The following TAS2R1 variants were observed in gnomAD, a reference collection of about 807,000 sequenced individuals.
The protein encoded by TAS2R1 is taste receptor type 2 member 1.
For synonymous variants in TAS2R1, 141 were observed against 134.2 expected (o/e 1.05, Z -0.35); for missense variants, 370 against 353.4 (o/e 1.05, Z -0.38).
At chr5:9,841,814 A>T in the TAS2R1 span, among the ~76,000 whole-genome samples, 2 of 152,206 alleles carry the variant, frequency 1.3e-5, no homozygotes, top group African/African-American at 4.8e-5. Flanking sequence ...GTTTGCTATA[A>T]AAGCATGGGA....
chr5:9,680,864 C>T (rs568882125), intron 1 of TAS2R1, among the ~76,000 whole-genome samples: 1 of 151,960 alleles, frequency 6.6e-6, no homozygotes, highest in East Asian at 1.9e-4. Flanking sequence ...ACCATCCTGG[C>T]CAACATGGAA....
chr5:9,685,268 G>A (rs1435712188), intron 1 of TAS2R1, among the ~76,000 whole-genome samples: 1 of 152,062 alleles, frequency 6.6e-6, no homozygotes, highest in Non-Finnish European at 1.5e-5. Context: ...GAGACTTTAA[G>A]AAAAATATGA....
upstream of TAS2R1, chr5:9,630,417 TG>T (rs1490357514): frequency 5.8e-6 from 1 of 173,844 alleles, no homozygotes; most frequent in African/African-American, 2.4e-5. Context: ...TAATTGATTT[TG>T]CCTACAGGTG....
intron 1 of TAS2R1, among the ~76,000 whole-genome samples, chr5:9,709,518 G>A (rs1741689999): frequency 6.6e-6 from 1 of 152,136 alleles, no homozygotes; most frequent in Admixed American, 6.5e-5. Context: ...CCACTGGTTG[G>A]GTGTGGCCAA....
the TAS2R1 span, among the ~76,000 whole-genome samples, chr5:9,851,614 T>C: frequency 1.3e-5 from 2 of 152,080 alleles, no homozygotes; most frequent in Non-Finnish European, 2.9e-5. Flanking sequence ...GTTGGTCATC[T>C]GCAGAATATG....
At chr5:9,631,837 G>C (rs1442504301), upstream of TAS2R1, among the ~76,000 whole-genome samples, 2 of 152,082 alleles carry the variant, frequency 1.3e-5, no homozygotes, top group Non-Finnish European at 2.9e-5. Context: ...GACCATCTAT[G>C]CCATCTTGGA....
At chr5:9,902,962 GAGTATGT>G in the TAS2R1 span, among the ~76,000 whole-genome samples, 9 of 152,084 alleles carry the variant, frequency 5.9e-5, no homozygotes, top group South Asian at 1.9e-3. Context: ...AAAAATGTGT[GAGTATGT>G]AGTAAGTGTA....
the TAS2R1 span, among the ~76,000 whole-genome samples, chr5:9,835,540 G>T: frequency 6.6e-6 from 1 of 152,198 alleles, no homozygotes; most frequent in Admixed American, 6.5e-5. Flanking sequence ...AGCCAATTCT[G>T]AAAGAAAAGA....
the TAS2R1 span, among the ~76,000 whole-genome samples, chr5:9,863,672 C>G: frequency 6.6e-6 from 1 of 152,182 alleles, no homozygotes; most frequent in Admixed American, 6.5e-5. Flanking sequence ...TCTCAGTGCT[C>G]AGGGCTTTAT....
At chr5:9,631,062 C>T (rs2126474308), upstream of TAS2R1, among the ~76,000 whole-genome samples, 1 of 152,216 alleles carries the variant, frequency 6.6e-6, no homozygotes, top group East Asian at 1.9e-4. Flanking sequence ...CTGTCCTCTA[C>T]CCACCAGATA....
the TAS2R1 span, among the ~76,000 whole-genome samples, chr5:9,773,953 T>C: frequency 6.6e-6 from 1 of 152,220 alleles, no homozygotes; most frequent in East Asian, 1.9e-4. Flanking sequence ...AATGTTGATA[T>C]ATTTCTGTAC....
chr5:9,896,150 T>C, the TAS2R1 span, among the ~76,000 whole-genome samples: 1 of 152,208 alleles, frequency 6.6e-6, no homozygotes, highest in Non-Finnish European at 1.5e-5. Flanking sequence ...CCAGGCAACT[T>C]GGGTCTAGCC....
intron 1 of TAS2R1, among the ~76,000 whole-genome samples, chr5:9,667,095 C>A (rs1740650562): frequency 6.6e-6 from 1 of 152,060 alleles, no homozygotes; most frequent in African/African-American, 2.4e-5. Flanking sequence ...TTTTTTTCTA[C>A]AAATTTTAAT....
At chr5:9,806,231 C>T in the TAS2R1 span, among the ~76,000 whole-genome samples, 1 of 152,076 alleles carries the variant, frequency 6.6e-6, no homozygotes, top group African/African-American at 2.4e-5. Context: ...AACTACAAAA[C>T]ACTGCTGAAA....
chr5:9,732,418 G>A, the TAS2R1 span, among the ~76,000 whole-genome samples: 5 of 152,234 alleles, frequency 3.3e-5, no homozygotes, highest in South Asian at 2.1e-4. Flanking sequence ...ACCACACCTC[G>A]TTTACATATA....
the TAS2R1 span, among the ~76,000 whole-genome samples, chr5:9,824,420 A>AC: frequency 6.6e-6 from 1 of 152,240 alleles, no homozygotes; most frequent in Admixed American, 6.5e-5. Flanking sequence ...AATGTGGCCA[A>AC]CTGCTTCCTC....
upstream of TAS2R1, among the ~76,000 whole-genome samples, chr5:9,715,401 C>T (rs1734787659): frequency 6.6e-6 from 1 of 152,224 alleles, no homozygotes; most frequent in African/African-American, 2.4e-5. Flanking sequence ...TGAGGGCTCC[C>T]AGCACCAGGA....
chr5:9,793,361 C>T, the TAS2R1 span, among the ~76,000 whole-genome samples: 1 of 152,282 alleles, frequency 6.6e-6, no homozygotes, highest in Admixed American at 6.5e-5. Context: ...ACTACCTATG[C>T]TGTTATGGGA....
At chr5:9,769,063 C>A in the TAS2R1 span, among the ~76,000 whole-genome samples, 1 of 152,202 alleles carries the variant, frequency 6.6e-6, no homozygotes. Flanking sequence ...CCACTTCCCA[C>A]GCCCTCATCA....
Sources: allele counts gnomAD v4.1 joint callset (sites outside exome capture counted in the v4.1 genomes callset), GRCh38; gene constraint gnomAD v4.1.1; transcripts MANE v1.5; gene names NCBI Gene and HGNC (gene_info 2026-07-23, HGNC 2026-07-21).